The following CC2D1B variants were observed in gnomAD, a reference collection of about 807,000 sequenced individuals.
CC2D1B encodes the protein coiled-coil and C2 domain-containing protein 1B.
A neutral mutation model predicts 110.8 loss-of-function variants in CC2D1B; 92 were observed. The observed-to-expected ratio is 0.83, with a 90% CI of 0.70 to 0.99. The LOEUF (loss-of-function observed/expected upper bound fraction) is 0.99, where lower values mean the gene tolerates loss of function less well. Among genes scored for constraint, CC2D1B ranks in the 50% least tolerant of loss-of-function variants. CC2D1B has a pLI of 0.00. For synonymous variants in CC2D1B, 406 were observed against 429.2 expected, an observed-to-expected ratio of 0.95 and a Z score of 0.67; for missense variants, 1,136 against 1,089.0, an observed-to-expected ratio of 1.04 and a Z score of -0.61.
At chr1:52,365,179 C>T (rs1297259171) in intron 1 of CC2D1B, among the ~76,000 whole-genome samples, 1 of 152,228 alleles carries the variant, frequency 6.6e-6, no homozygotes, top group East Asian at 1.9e-4. Context: ...TTCTGATTCC[C>T]ATAAAGATCT....
rs779046645 is a variant in CC2D1B at position 52,353,229 on chromosome 1, C to A, written c.*2-6G>T. On this transcript the variant is annotated splice_polypyrimidine_tract_variant and splice_region_variant and intron_variant, in intron 24 of 24. Coordinates refer to ENST00000284376, the MANE Select transcript of CC2D1B (RefSeq NM_001330585.2). ...CTCCTGGTGCTGGCCATCGGCTACA[C>A]AGGGGTGCAAAGCACAAGAAGTCAG... The A allele has an allele frequency of 2.9e-6, 4 of 1,372,344 alleles. No homozygotes were observed. Among genetic ancestry groups the A allele is most frequent in the Admixed American group, 2.2e-5 (1 of 45,376 alleles). The allele number at this position is 1,372,344 out of a possible 1,614,324, so 85.0% of individuals were successfully genotyped here. A position where few individuals can be genotyped will look rare whatever the true frequency, so the allele number is the denominator to read the frequency against.
At chr1:52,361,955 A>G (rs912401262) in intron 3 of CC2D1B, among the ~76,000 whole-genome samples, 2 of 152,268 alleles carry the variant, frequency 1.3e-5, no homozygotes, top group African/African-American at 4.8e-5. Flanking sequence ...CAAATCTGCA[A>G]GATGGATAAT....
Position 52,360,165 on chromosome 1 carries a change from TG to T in CC2D1B, c.671del (p.Pro224GlnfsTer4), listed in dbSNP as rs760345549. 1.2e-6 allele frequency: 2 copies of T among 1,613,868 alleles called. No individual in the cohort carries two copies. The highest frequency in any genetic ancestry group is 1.7e-6 in the Non-Finnish European group (2 of 1,179,900). ...RKINEDEIPPPVALGKRPLAP... is the reference protein window; with the variant it reads ...RKINEDEIPPXVALGKRPLAP... Reference sequence around the variant, plus strand: ...CCAGGGGCCGCTTTCCTAAGGCCACTGGAGGTGGGATCTCATCCTCATTGAT... The same window carrying T: ...CCAGGGGCCGCTTTCCTAAGGCCACTGAGGTGGGATCTCATCCTCATTGAT... On this transcript the variant is annotated frameshift_variant, in exon 7 of 25. Coordinates refer to ENST00000284376, the MANE Select transcript of CC2D1B (RefSeq NM_001330585.2). LOFTEE classifies it high-confidence loss of function.
chr1:52,355,709 G>A (rs552055830), intron 19 of CC2D1B, 43 bp from the exon 20 acceptor site: 8 of 1,613,878 alleles, frequency 5.0e-6, no homozygotes, highest in Non-Finnish European at 1.7e-6. Flanking sequence ...GAGTGGCCAG[G>A]AGCCTAGCAC....
In CC2D1B at chr1:52,355,787, G is replaced by A; in HGVS notation, c.2112C>T (p.Asn704=). ...EMHLIIVRGM[N]LPAPPGVTPD... ...TAGGGTTACCTGGAGGGGCTGGGAG[G>A]TTCATTCCCCGGACAATGATCAGAT... The change falls in exon 19 of 25, where the codon AAC becomes AAT. Residue 704 remains asparagine, a synonymous_variant. Transcript: ENST00000284376. 2 of 1,614,158 alleles carry A rather than the reference G, an allele frequency of 1.2e-6. No individual in the cohort carries two copies. Among genetic ancestry groups the A allele is most frequent in the South Asian group, 1.1e-5 (1 of 91,082 alleles).
Position 52,360,965 on chromosome 1 carries a change from A to G in CC2D1B, c.477+9T>C, listed in dbSNP as rs1646768731. The G allele has an allele frequency of 6.2e-7, 1 of 1,613,784 alleles. No individual in the cohort carries two copies. Among genetic ancestry groups the G allele is most frequent in the Admixed American group, 1.7e-5 (1 of 59,998 alleles). On this transcript the variant is annotated intron_variant, in intron 5 of 24. Coordinates refer to ENST00000284376, the MANE Select transcript of CC2D1B (RefSeq NM_001330585.2). ...ATCAGAGGCACAGGGGCCCTCCTCC[A>G]GAACCCACCTGAGCTGCTGGGGCTG... is the stretch of plus-strand genomic sequence containing the variant.
At chr1:52,365,655 T>C (rs1646865126) in intron 1 of CC2D1B, among the ~76,000 whole-genome samples, 1 of 152,142 alleles carries the variant, frequency 6.6e-6, no homozygotes, top group South Asian at 2.1e-4. Context: ...GGCGGGATCG[T>C]ATCGGTGTTT....
At chr1:52,359,560 G>T in intron 8 of CC2D1B, 26 bp from the exon 9 acceptor site, 1 of 1,610,954 alleles carries the variant, frequency 6.2e-7, no homozygotes, top group South Asian at 1.1e-5. Flanking sequence ...AAGCAGGTGT[G>T]GGTGAAAGAC....
Position 52,351,451 on chromosome 1 carries a change from T to C in CC2D1B, c.*1774A>G, listed in dbSNP as rs1375434633. On this transcript the variant is annotated 3_prime_UTR_variant, in exon 25 of 25. Transcript: ENST00000284376. Reference sequence around the variant, plus strand: ...TAGGTTGGGTTAGGAACCCTTCCAGTCACCTTTCTTTGCTCTATAGGTCAT... The same window carrying C: ...TAGGTTGGGTTAGGAACCCTTCCAGCCACCTTTCTTTGCTCTATAGGTCAT... The C allele has an allele frequency of 6.6e-6, 1 of 152,200 alleles. No homozygotes were observed. The highest frequency in any genetic ancestry group is 1.9e-4 in the East Asian group (1 of 5,184). The allele number at this position is 152,200 out of a possible 1,614,324, so 9.4% of individuals were successfully genotyped here.
intron 23 of CC2D1B, chr1:52,354,396 G>A (rs756177120): frequency 7.2e-6 from 5 of 699,048 alleles, no homozygotes; most frequent in South Asian, 3.0e-5. Flanking sequence ...TGGAAACAAG[G>A]AGGCTGCCTT....
At position 52,359,738 on chromosome 1, in the gene CC2D1B, T is replaced by C. The variant is rs1282073276; in HGVS notation, c.909A>G (p.Leu303=). 4.3e-6 allele frequency: 7 copies of C among 1,609,226 alleles called. No individual in the cohort carries two copies. The highest frequency in any genetic ancestry group is 5.9e-6 in the Non-Finnish European group (7 of 1,177,850). ...TCCTCATGAGCTCTCGGGCACGGTC[T>C]AGCTCTCCAGCCCGCTTGGCACTGA... ...AALSAKRAGE[L]DRARELMRIG... is the part of the protein sequence containing the mutation. The change falls in exon 8 of 25, where the codon CTA becomes CTG. Residue 303 remains leucine (L), a synonymous_variant. Transcript: ENST00000284376.
At chr1:52,360,008 GC>G in intron 7 of CC2D1B, 65 bp downstream of exon 7, 1 of 1,546,180 alleles carries the variant, frequency 6.5e-7, no homozygotes, top group Non-Finnish European at 8.7e-7. Flanking sequence ...GTGGTGGCAG[GC>G]TGGGGACACA....
At position 52,364,563 on chromosome 1, in the gene CC2D1B, C is replaced by T. The variant is rs747523838; in HGVS notation, c.58G>A (p.Ala20Thr). 96 of 1,600,966 alleles carry T rather than the reference C, an allele frequency of 6.0e-5. 2 individuals are homozygous for T. In the South Asian group the frequency reaches 9.0e-4, roughly 15 times the overall value. ...GPQARGQGVA[A>T]AKQMGLFMEF... ...GCTAAGTTCCATACCTGCTTGGCAG[C>T]GGCCACCCCTTGGCCTCTGGCCTGA... The change falls in exon 2 of 25, where the codon GCT becomes ACT. Residue 20 changes from alanine (A) to threonine (T), a missense_variant. Physicochemically the swap from Ala to Thr is moderately conservative, Grantham distance 58 (BLOSUM62 0). Coordinates refer to ENST00000284376, the MANE Select transcript of CC2D1B (RefSeq NM_001330585.2).
intron 20 of CC2D1B, 22 bp downstream of exon 20, chr1:52,355,586 C>T (rs1646631206): frequency 6.2e-7 from 1 of 1,613,932 alleles, no homozygotes; most frequent in African/African-American, 1.3e-5. Context: ...TTCAGAGGAT[C>T]CTACTTCTAC....
In CC2D1B at chr1:52,359,708, C is replaced by T. The variant is rs1443417414; in HGVS notation, c.939G>A (p.Gly313=). 2 of 1,599,112 alleles carry T rather than the reference C, an allele frequency of 1.3e-6. No homozygotes were observed. Among genetic ancestry groups the T allele is most frequent in the Non-Finnish European group, 1.7e-6 (2 of 1,172,964 alleles). ...LDRARELMRI[G]KRFGAVLEAL... ...TGCCCTGAGCCAGATGCCATACCTT[C>T]CCAATCCTCATGAGCTCTCGGGCAC... is the stretch of plus-strand genomic sequence containing the variant. Residue 313 remains glycine, a synonymous_variant, in exon 8 of 25, where the codon GGG becomes GGA. Transcript: ENST00000284376.
chr1:52,358,293 T>C (rs1424968221), intron 13 of CC2D1B, 38 bp downstream of exon 13: 1 of 1,600,620 alleles, frequency 6.2e-7, no homozygotes, highest in East Asian at 2.2e-5. Context: ...CACCTGCTAT[T>C]CTCCCCACCA....
At chr1:52,361,186 A>G in intron 4 of CC2D1B, 54 bp from the exon 5 acceptor site, 4 of 1,601,334 alleles carry the variant, frequency 2.5e-6, no homozygotes, top group Non-Finnish European at 3.4e-6. Context: ...CCATACCCAC[A>G]ACAGGACCTG....
chr1:52,353,069 AC>A lies in CC2D1B; in HGVS notation c.*155del. The stretch of plus-strand genomic sequence containing the variant: ...CCCAGAGGGGCCAACAACAGGAAAG[AC>A]CAGAGTCGTGGTCAGTAGTGCACAT... On this transcript the variant is annotated 3_prime_UTR_variant, in exon 25 of 25. Coordinates refer to ENST00000284376, the MANE Select transcript of CC2D1B (RefSeq NM_001330585.2). The A allele has an allele frequency of 2.8e-6, 2 of 714,546 alleles. No individual in the cohort carries two copies. The highest frequency in any genetic ancestry group is 4.3e-6 in the Non-Finnish European group (2 of 462,306). 44.3% of individuals were successfully genotyped at this position (714,546 alleles called of 1,614,324 possible).
At position 52,355,503 on chromosome 1, in the gene CC2D1B, G is replaced by C; in HGVS notation, c.2188-54C>G. On this transcript the variant is annotated intron_variant, in intron 20 of 24. Transcript: ENST00000284376. ...CAGCGTATAAACAAAGAGGCACACA[G>C]GGCAGGCACTGCAGCCACACCTCCC... is the stretch of plus-strand genomic sequence containing the variant. The C allele has an allele frequency of 3.1e-6, 5 of 1,608,814 alleles. No homozygotes were observed. In the Admixed American group the frequency reaches 5.0e-5, roughly 16 times the overall value.
Sources: allele counts gnomAD v4.1 joint callset (sites outside exome capture counted in the v4.1 genomes callset), GRCh38; gene constraint gnomAD v4.1.1; transcripts MANE v1.5; gene names NCBI Gene and HGNC (gene_info 2026-07-23, HGNC 2026-07-21).